Variants in KCNN2 observed in about 807,000 individuals in gnomAD.
KCNN2 encodes small conductance calcium-activated potassium channel protein 2.
A neutral mutation model predicts 55.5 loss-of-function variants in KCNN2; 24 were observed. The observed-to-expected ratio is 0.43, with a 90% CI of 0.31 to 0.61. The LOEUF (loss-of-function observed/expected upper bound fraction) is 0.61, where lower values mean the gene tolerates loss of function less well. KCNN2 is among the 20% of genes least tolerant of loss of function. The pLI, the probability that KCNN2 is intolerant of heterozygous loss-of-function variation, is 0.08. For missense variants in KCNN2, 754 were observed against 853.6 expected (o/e 0.88, Z 1.45); for synonymous variants, 431 against 336.1 (o/e 1.28, Z -3.09).
intron 2 of KCNN2, among the ~76,000 whole-genome samples, chr5:114,354,094 G>A (rs1424663471): frequency 6.6e-6 from 1 of 151,390 alleles, no homozygotes; most frequent in African/African-American, 2.4e-5. Context: ...GAGGTGCTGG[G>A]GGTTTTCTTA....
At chr5:114,413,294 T>A (rs1429226629) in intron 3 of KCNN2, among the ~76,000 whole-genome samples, 1 of 152,220 alleles carries the variant, frequency 6.6e-6, no homozygotes, top group African/African-American at 2.4e-5. Context: ...TTTGTAGTTT[T>A]ATTTTTTGAG....
At chr5:114,171,638 T>C (rs958917169) in intron 1 of KCNN2, among the ~76,000 whole-genome samples, 11 of 151,026 alleles carry the variant, frequency 7.3e-5, no homozygotes, top group African/African-American at 2.7e-4. Flanking sequence ...TTTGAACTTA[T>C]TTAAAATTGT....
chr5:114,202,273 T>C (rs1235008884), intron 1 of KCNN2, among the ~76,000 whole-genome samples: 1 of 152,070 alleles, frequency 6.6e-6, no homozygotes, highest in East Asian at 1.9e-4. Flanking sequence ...CATAAGGATC[T>C]AGTGGGCTGA....
At chr5:114,273,702 T>G (rs1755421752) in intron 2 of KCNN2, among the ~76,000 whole-genome samples, 1 of 152,206 alleles carries the variant, frequency 6.6e-6, no homozygotes, top group Non-Finnish European at 1.5e-5. Flanking sequence ...TGGGGTTGTT[T>G]TTTTCTTGTA....
intron 1 of KCNN2, among the ~76,000 whole-genome samples, chr5:114,101,003 C>A (rs1751363199): frequency 1.3e-5 from 2 of 151,790 alleles, no homozygotes; most frequent in African/African-American, 4.8e-5. Flanking sequence ...TATATACAGA[C>A]CTATGGATAT....
intron 5 of KCNN2, among the ~76,000 whole-genome samples, chr5:114,479,251 CA>C (rs1361686900): frequency 1.6e-4 from 23 of 144,500 alleles, no homozygotes; most frequent in African/African-American, 5.6e-4. Flanking sequence ...AAAAACAAAA[CA>C]GGGGTGGAAA....
At chr5:114,253,961 A>G (rs1754931476) in intron 2 of KCNN2, among the ~76,000 whole-genome samples, 1 of 152,208 alleles carries the variant, frequency 6.6e-6, no homozygotes, top group African/African-American at 2.4e-5. Context: ...TTTCATAAAC[A>G]ATTGCATGCC....
At chr5:114,285,328 T>G in intron 2 of KCNN2, among the ~76,000 whole-genome samples, 1 of 131,940 alleles carries the variant, frequency 7.6e-6, no homozygotes. Flanking sequence ...GGCAAAAATA[T>G]ATCGGTAATT....
At chr5:114,298,755 A>T (rs2150021296) in intron 2 of KCNN2, among the ~76,000 whole-genome samples, 1 of 152,314 alleles carries the variant, frequency 6.6e-6, no homozygotes, top group Admixed American at 6.5e-5. Context: ...TATAATTCAA[A>T]TTCACTATTT....
At chr5:114,447,616 A>G (rs1278237515) in intron 3 of KCNN2, among the ~76,000 whole-genome samples, 1 of 152,152 alleles carries the variant, frequency 6.6e-6, no homozygotes, top group African/African-American at 2.4e-5. Flanking sequence ...TGCAGAGGCT[A>G]TTCTCTCTCC....
At chr5:114,485,442 A>G (rs1288334710) in intron 5 of KCNN2, among the ~76,000 whole-genome samples, 1 of 152,156 alleles carries the variant, frequency 6.6e-6, no homozygotes, top group Non-Finnish European at 1.5e-5. Flanking sequence ...GTCCTCAAAT[A>G]ACAACTACTC....
At chr5:114,210,547 A>G (rs1359929202) in intron 1 of KCNN2, among the ~76,000 whole-genome samples, 1 of 152,218 alleles carries the variant, frequency 6.6e-6, no homozygotes, top group Non-Finnish European at 1.5e-5. Flanking sequence ...ATAAGTAATA[A>G]TCACAGAAAA....
intron 3 of KCNN2, chr5:114,433,740 G>A (rs1436978848): frequency 3.3e-5 from 5 of 152,832 alleles, no homozygotes; most frequent in African/African-American, 1.2e-4. Flanking sequence ...TCACGGCGAA[G>A]GTCTGCAGCT....
chr5:114,374,318 G>A (rs1297865523), intron 2 of KCNN2, among the ~76,000 whole-genome samples: 1 of 152,178 alleles, frequency 6.6e-6, no homozygotes, highest in Non-Finnish European at 1.5e-5. Context: ...TTAAACTCCT[G>A]CTGAAAGGAT....
At chr5:114,331,206 G>A (rs918645527) in intron 2 of KCNN2, among the ~76,000 whole-genome samples, 5 of 152,142 alleles carry the variant, frequency 3.3e-5, no homozygotes, top group Non-Finnish European at 2.9e-5. Flanking sequence ...TTGGGAGGAA[G>A]AAAATGAAAA....
chr5:114,463,590 A>T (rs1217175656), intron 4 of KCNN2, among the ~76,000 whole-genome samples: 1 of 152,188 alleles, frequency 6.6e-6, no homozygotes, highest in Non-Finnish European at 1.5e-5. Flanking sequence ...AAGATATATT[A>T]ATTATAATAT....
At chr5:114,435,060 C>A (rs1278555090) in intron 3 of KCNN2, among the ~76,000 whole-genome samples, 1 of 152,102 alleles carries the variant, frequency 6.6e-6, no homozygotes, top group African/African-American at 2.4e-5. Context: ...TATTGGAGCT[C>A]CTGGAAATTA....
chr5:114,154,417 A>T (rs147598683), intron 1 of KCNN2, among the ~76,000 whole-genome samples: 1 of 152,196 alleles, frequency 6.6e-6, no homozygotes, highest in Non-Finnish European at 1.5e-5. Context: ...GTGCAGTGAA[A>T]TGTGGGTGGC....
intron 1 of KCNN2, among the ~76,000 whole-genome samples, chr5:114,201,504 T>G (rs752221755): frequency 9.9e-5 from 15 of 152,096 alleles, no homozygotes; most frequent in Non-Finnish European, 2.1e-4. Flanking sequence ...TGCAATCCAC[T>G]CAAGTGTTGG....
Sources: allele counts gnomAD v4.1 joint callset (sites outside exome capture counted in the v4.1 genomes callset), GRCh38; gene constraint gnomAD v4.1.1; transcripts MANE v1.5; gene names NCBI Gene and HGNC (gene_info 2026-07-23, HGNC 2026-07-21).